The following EPM2A variants were observed in gnomAD, a reference collection of about 807,000 sequenced individuals.
EPM2A encodes the protein laforin.
EPM2A carries 21 observed loss-of-function variants against 26.5 expected under a neutral mutation model. The ratio of observed to expected loss-of-function variants is 0.79; its 90% CI spans 0.56 to 1.14. EPM2A has a LOEUF of 1.14. EPM2A is among the 50% of genes most tolerant of loss of function. The pLI, the probability that EPM2A is intolerant of heterozygous loss-of-function variation, is 0.00. For missense variants in EPM2A, 458 were observed against 440.8 expected (o/e 1.04, Z -0.35); for synonymous variants, 217 against 177.6 (o/e 1.22, Z -1.76).
chr6:145,527,775 G>GTC (rs1780298762), intron 2 of EPM2A, among the ~76,000 whole-genome samples: 1 of 152,032 alleles, frequency 6.6e-6, no homozygotes, highest in African/African-American at 2.4e-5. Context: ...GTTTAGGCAT[G>GTC]TCTCTCAGTT....
At chr6:145,398,200 C>T (rs1406640906) in intron 4 of EPM2A, among the ~76,000 whole-genome samples, 1 of 152,142 alleles carries the variant, frequency 6.6e-6, no homozygotes, top group Non-Finnish European at 1.5e-5. Context: ...CCCTCTTCTG[C>T]AACAGTCAGA....
At chr6:145,701,142 T>C (rs1221172611) in intron 1 of EPM2A, among the ~76,000 whole-genome samples, 1 of 152,194 alleles carries the variant, frequency 6.6e-6, no homozygotes, top group African/African-American at 2.4e-5. Context: ...AATTAGATTA[T>C]CCTAAAATTT....
chr6:145,667,806 C>A (rs1362704009), intron 2 of EPM2A, among the ~76,000 whole-genome samples: 1 of 141,520 alleles, frequency 7.1e-6, no homozygotes, highest in African/African-American at 2.7e-5. Context: ...AAATGTGGCA[C>A]ATATACACCA....
chr6:145,650,791 T>C (rs1381941628), intron 2 of EPM2A, among the ~76,000 whole-genome samples: 3 of 152,192 alleles, frequency 2.0e-5, no homozygotes, highest in South Asian at 2.1e-4. Flanking sequence ...ACTAAAGTTA[T>C]TCAGTTCTAA....
chr6:145,386,103 A>T (rs961542300), intron 4 of EPM2A, among the ~76,000 whole-genome samples: 1 of 152,148 alleles, frequency 6.6e-6, no homozygotes, highest in African/African-American at 2.4e-5. Context: ...CTTTAAAATA[A>T]TAAAAAAAAG....
At chr6:145,550,288 G>A (rs1049303495) in intron 2 of EPM2A, among the ~76,000 whole-genome samples, 2 of 152,068 alleles carry the variant, frequency 1.3e-5, no homozygotes, top group East Asian at 1.9e-4. Context: ...GAGAGGAGAC[G>A]AGAGGGCAAC....
chr6:145,551,469 C>A (rs1475329367), intron 2 of EPM2A, among the ~76,000 whole-genome samples: 2 of 151,840 alleles, frequency 1.3e-5, no homozygotes, highest in African/African-American at 4.8e-5. Flanking sequence ...ACCTAAATGA[C>A]ATTAAAGGGA....
At position 145,683,205 on chromosome 6, in the gene EPM2A, A is replaced by G. The variant is rs1423499331; in HGVS notation, c.476+2917T>C. Among the ~76,000 whole-genome samples, 3 of 150,788 alleles carry G rather than the reference A, an allele frequency of 2.0e-5. No individual in the cohort carries two copies. The East Asian group carries it at 5.9e-4, about 29-fold the overall frequency. On this transcript the variant is annotated intron_variant, in intron 2 of 3. Transcript: ENST00000367519. ...AAATATTCCTTTTCTATTCTAAACT[A>G]CTGTCCTTTCACACATGTAAAAATC... is the stretch of plus-strand genomic sequence containing the variant.
At chr6:145,452,344 A>C (rs1047216871) in intron 4 of EPM2A, among the ~76,000 whole-genome samples, 2 of 151,990 alleles carry the variant, frequency 1.3e-5, no homozygotes, top group Non-Finnish European at 2.9e-5. Context: ...TACCATCTGC[A>C]GCTAATATGT....
chr6:145,488,988 T>C (rs1779720744), intron 4 of EPM2A, among the ~76,000 whole-genome samples: 1 of 152,320 alleles, frequency 6.6e-6, no homozygotes, highest in African/African-American at 2.4e-5. Flanking sequence ...ACACAGACTT[T>C]GAAAGAACCA....
chr6:145,712,772 T>C (rs896858168), intron 1 of EPM2A, among the ~76,000 whole-genome samples: 1 of 152,194 alleles, frequency 6.6e-6, no homozygotes. Flanking sequence ...ATTCATCTCA[T>C]CAAACAAGGG....
chr6:145,585,023 T>G (rs896893007), intron 2 of EPM2A, among the ~76,000 whole-genome samples: 1 of 152,252 alleles, frequency 6.6e-6, no homozygotes, highest in African/African-American at 2.4e-5. Flanking sequence ...TTCAGTACAC[T>G]AAATATATTG....
chr6:145,530,461 C>G (rs931167097), intron 2 of EPM2A, among the ~76,000 whole-genome samples: 1 of 150,384 alleles, frequency 6.6e-6, no homozygotes, highest in African/African-American at 2.5e-5. Context: ...GCCATTGATA[C>G]AGAAATGTAG....
At chr6:145,439,339 G>C (rs576335351) in intron 4 of EPM2A, among the ~76,000 whole-genome samples, 2 of 152,282 alleles carry the variant, frequency 1.3e-5, no homozygotes, top group South Asian at 4.1e-4. Flanking sequence ...TAGTGAGATT[G>C]CTGGGTTGAA....
At chr6:145,616,305 G>A (rs1243432779) in intron 2 of EPM2A, among the ~76,000 whole-genome samples, 2 of 152,374 alleles carry the variant, frequency 1.3e-5, no homozygotes, top group East Asian at 1.9e-4. Context: ...CTTCCACGTG[G>A]TGTTGAGCCT....
In EPM2A at chr6:145,404,350, T is replaced by G. The variant is rs142515064; in HGVS notation, c.556-20253A>C. Among the ~76,000 whole-genome samples, 80 of 152,268 alleles carry G rather than the reference T, an allele frequency of 5.3e-4. 1 individual carries two copies. The East Asian group carries it at 0.013, about 24-fold the overall frequency. ...ACCCTTTGTCCATTTTAAATGTTTTTATTTTTATATTTTTCTTATTGATAT... is the reference window on the plus strand; with the variant it reads ...ACCCTTTGTCCATTTTAAATGTTTTGATTTTTATATTTTTCTTATTGATAT... On this transcript the variant is annotated intron_variant, in intron 4 of 4. Coordinates refer to the EPM2A transcript ENST00000638717.
chr6:145,587,774 A>G (rs2128547155), intron 2 of EPM2A, among the ~76,000 whole-genome samples: 2 of 152,364 alleles, frequency 1.3e-5, no homozygotes, highest in Middle Eastern at 6.8e-3. Flanking sequence ...AGGGAAAATA[A>G]CAAGAATTTG....
chr6:145,681,635 T>C (rs1780545086), intron 2 of EPM2A, among the ~76,000 whole-genome samples: 1 of 151,484 alleles, frequency 6.6e-6, no homozygotes, highest in African/African-American at 2.4e-5. Context: ...CCCAGCACCA[T>C]TTATTAAATA....
chr6:145,609,935 G>T (rs1266391668), intron 2 of EPM2A, among the ~76,000 whole-genome samples: 1 of 152,030 alleles, frequency 6.6e-6, no homozygotes, highest in Non-Finnish European at 1.5e-5. Flanking sequence ...AACATTTTTG[G>T]GCCAGGCGCA....
Sources: gnomAD v4.1 joint callset for allele counts (sites outside exome capture counted in the v4.1 genomes callset) on GRCh38, gnomAD v4.1.1 for gene constraint, MANE v1.5 for transcripts, NCBI Gene and HGNC (gene_info 2026-07-23, HGNC 2026-07-21) for gene names.